Variants in GALNT16 observed in about 807,000 individuals in gnomAD.
The protein encoded by GALNT16 is polypeptide N-acetylgalactosaminyltransferase 16.
In GALNT16, 40 loss-of-function variants were observed where a neutral mutation model predicts 76.1. The ratio of observed to expected loss-of-function variants is 0.53; its 90% confidence interval spans 0.41 to 0.68. The LOEUF (loss-of-function observed/expected upper bound fraction) is 0.68, where lower values mean the gene tolerates loss of function less well. GALNT16 is among the 30% of genes least tolerant of loss of function. The pLI is 0.00. For missense variants in GALNT16, 621 were observed against 731.9 expected (o/e 0.85, Z 1.75); for synonymous variants, 276 against 285.2 (o/e 0.97, Z 0.32).
chr14:69,383,830 G>C, the GALNT16 span, among the ~76,000 whole-genome samples: 8 of 152,154 alleles, frequency 5.3e-5, no homozygotes, highest in African/African-American at 1.9e-4. Context: ...TAGTATGCTA[G>C]ATATGGTTTC....
At chr14:69,341,263 G>C (rs2045481802) in intron 11 of GALNT16, among the ~76,000 whole-genome samples, 1 of 152,308 alleles carries the variant, frequency 6.6e-6, no homozygotes, top group East Asian at 1.9e-4. Context: ...ACATCTAATG[G>C]TTTTATTTGC....
intron 7 of GALNT16, 132 bp from the exon 8 acceptor site, chr14:69,332,953 C>G: frequency 1.4e-6 from 1 of 710,184 alleles, no homozygotes; most frequent in Admixed American, 2.2e-5. Flanking sequence ...TGGCTCATTC[C>G]GAATGAAGGA....
In GALNT16 at chr14:69,260,242, C is replaced by T. The variant is rs759252815; in HGVS notation, c.-49C>T. The T allele has an allele frequency of 3.2e-6, 5 of 1,557,702 alleles. No homozygotes were observed. Among genetic ancestry groups the T allele is most frequent in the Non-Finnish European group, 4.4e-6 (5 of 1,132,456 alleles). On this transcript the variant is annotated 5_prime_UTR_variant, in exon 1 of 15. Coordinates refer to ENST00000448469, the MANE Select transcript of GALNT16 (RefSeq NM_001168368.2). Reference sequence around the variant, plus strand: ...GCTGCGAGCGCCCCCGCCCCGGCCCCGAGAGCACGCCGGCCCAGTCCCCCA... The same window carrying T: ...GCTGCGAGCGCCCCCGCCCCGGCCCTGAGAGCACGCCGGCCCAGTCCCCCA...
the GALNT16 span, among the ~76,000 whole-genome samples, chr14:69,380,982 AAAC>A: frequency 6.6e-6 from 1 of 152,248 alleles, no homozygotes; most frequent in Non-Finnish European, 1.5e-5. Context: ...AGTGATTAAA[AAAC>A]AACAACAAAA....
At chr14:69,324,339 C>A (rs1045323140) in intron 2 of GALNT16, among the ~76,000 whole-genome samples, 2 of 152,112 alleles carry the variant, frequency 1.3e-5, no homozygotes, top group Non-Finnish European at 2.9e-5. Context: ...ACATACCCCC[C>A]ACCATACGAC....
At chr14:69,298,960 C>T (rs1244515362) in intron 1 of GALNT16, among the ~76,000 whole-genome samples, 1 of 152,272 alleles carries the variant, frequency 6.6e-6, no homozygotes, top group Non-Finnish European at 1.5e-5. Flanking sequence ...AGGCCTTGCA[C>T]TTCTGCTCCC....
At chr14:69,383,496 T>C in the GALNT16 span, among the ~76,000 whole-genome samples, 2 of 152,216 alleles carry the variant, frequency 1.3e-5, no homozygotes, top group African/African-American at 2.4e-5. Flanking sequence ...AACAATACCT[T>C]ATTTCTCCTG....
intron 1 of GALNT16, among the ~76,000 whole-genome samples, chr14:69,318,171 A>T (rs2045128846): frequency 6.6e-6 from 1 of 152,238 alleles, no homozygotes; most frequent in Admixed American, 6.5e-5. Flanking sequence ...TGAAGAGTCA[A>T]ACCCCAAACC....
the GALNT16 span, among the ~76,000 whole-genome samples, chr14:69,368,786 C>A: frequency 6.6e-6 from 1 of 152,134 alleles, no homozygotes; most frequent in African/African-American, 2.4e-5. Context: ...TTCTTGGGAT[C>A]TTTTAACTCG....
At chr14:69,338,315 G>A in intron 9 of GALNT16, among the ~76,000 whole-genome samples, 1 of 152,206 alleles carries the variant, frequency 6.6e-6, no homozygotes, top group Non-Finnish European at 1.5e-5. Flanking sequence ...GTCTGTCTGG[G>A]GCTTTCTAGA....
intron 1 of GALNT16, among the ~76,000 whole-genome samples, chr14:69,289,723 G>C (rs1356176624): frequency 6.6e-6 from 1 of 152,128 alleles, no homozygotes; most frequent in Non-Finnish European, 1.5e-5. Flanking sequence ...CCAGAACCCA[G>C]TGTAGATGTT....
chr14:69,326,631 C>G (rs2045288969), intron 5 of GALNT16, among the ~76,000 whole-genome samples: 1 of 152,122 alleles, frequency 6.6e-6, no homozygotes, highest in South Asian at 2.1e-4. Context: ...CATCATGAGA[C>G]AGGTAAAGGG....
At chr14:69,335,214 G>T (rs1310688288) in intron 9 of GALNT16, among the ~76,000 whole-genome samples, 4 of 152,234 alleles carry the variant, frequency 2.6e-5, no homozygotes, top group African/African-American at 9.6e-5. Context: ...AAATAGCAGT[G>T]AGGGGGCTTG....
At chr14:69,370,370 G>A in the GALNT16 span, among the ~76,000 whole-genome samples, 1 of 152,158 alleles carries the variant, frequency 6.6e-6, no homozygotes, top group Non-Finnish European at 1.5e-5. Context: ...GAGGGGAGAG[G>A]GTGGGGCAGC....
intron 1 of GALNT16, among the ~76,000 whole-genome samples, chr14:69,290,169 G>C (rs1431648783): frequency 6.6e-6 from 1 of 152,252 alleles, no homozygotes; most frequent in Non-Finnish European, 1.5e-5. Context: ...CACACGCCAT[G>C]TGTTCATCTT....
chr14:69,381,437 T>A, the GALNT16 span, among the ~76,000 whole-genome samples: 2 of 152,308 alleles, frequency 1.3e-5, no homozygotes, highest in South Asian at 4.1e-4. Flanking sequence ...ATTTGCTTTT[T>A]AAAATAAATA....
intron 1 of GALNT16, among the ~76,000 whole-genome samples, chr14:69,315,103 CCTT>C (rs1200206399): frequency 1.1e-4 from 17 of 151,988 alleles, no homozygotes; most frequent in African/African-American, 3.9e-4. Flanking sequence ...TTATTTTAAA[CCTT>C]CTTCTTTGCT....
chr14:69,318,683 G>A (rs2045135808), intron 1 of GALNT16, among the ~76,000 whole-genome samples: 1 of 152,168 alleles, frequency 6.6e-6, no homozygotes, highest in African/African-American at 2.4e-5. Context: ...AAACAAACAT[G>A]GCTATTTCCC....
intron 1 of GALNT16, among the ~76,000 whole-genome samples, chr14:69,314,121 C>T (rs1318759792): frequency 2.0e-5 from 3 of 152,202 alleles, no homozygotes; most frequent in Admixed American, 6.5e-5. Flanking sequence ...CATCTTCCCA[C>T]GTGATTCTAA....
Sources: gnomAD v4.1 joint callset for allele counts (sites outside exome capture counted in the v4.1 genomes callset) on GRCh38, gnomAD v4.1.1 for gene constraint, MANE v1.5 for transcripts, NCBI Gene and HGNC (gene_info 2026-07-23, HGNC 2026-07-21) for gene names.